Variants in RSPH1 observed in about 807,000 individuals in gnomAD.
The protein encoded by RSPH1 is radial spoke head component 1.
In RSPH1, 32 loss-of-function variants were observed where a neutral mutation model predicts 44.2. The observed-to-expected ratio is 0.72, with a 90% confidence interval of 0.55 to 0.97. The LOEUF is 0.97. RSPH1 is among the 50% of genes least tolerant of loss of function. RSPH1 has a pLI of 0.00. For synonymous variants in RSPH1, 134 were observed against 147.3 expected, an observed-to-expected ratio of 0.91 and a Z score of 0.65; for missense variants, 391 against 398.7, an observed-to-expected ratio of 0.98 and a Z score of 0.16.
chr21:42,477,314 C>T lies in RSPH1; in HGVS notation c.704G>A (p.Gly235Asp). 5 of 1,614,054 alleles carry T rather than the reference C, an allele frequency of 3.1e-6. No individual in the cohort carries two copies. The highest frequency in any genetic ancestry group is 4.2e-6 in the Non-Finnish European group (5 of 1,179,966). Reference protein sequence around the residue: ...PKKPTSTDGPGQDAPGAESAG... With the variant: ...PKKPTSTDGPDQDAPGAESAG... ...ACTCTCAGCTCCTGGAGCGTCTTGGCCAGGTCCATCCGTAGAGGTCGGCTT... is the reference window on the plus strand; with the variant it reads ...ACTCTCAGCTCCTGGAGCGTCTTGGTCAGGTCCATCCGTAGAGGTCGGCTT... The change falls in exon 7 of 9, where the codon GGC becomes GAC. Residue 235 changes from glycine (G) to aspartate (D), a missense_variant. Gly to Asp is a moderately conservative substitution (Grantham distance 94, BLOSUM62 -1). Transcript: ENST00000291536.
intron 3 of RSPH1, among the ~76,000 whole-genome samples, chr21:42,491,627 T>C (rs916805025): frequency 6.6e-4 from 101 of 152,202 alleles, no homozygotes; most frequent in African/African-American, 1.9e-3. Flanking sequence ...CCTTCTGGGA[T>C]TTATGAAACA....
chr21:42,472,956 G>GA (rs1249882542), intron 8 of RSPH1, 86 bp from the exon 9 acceptor site: 6 of 955,366 alleles, frequency 6.3e-6, no homozygotes, highest in South Asian at 3.1e-5. Context: ...ATCTTTTGCC[G>GA]AAAAAAATTA....
intron 1 of RSPH1, 55 bp from the exon 2 acceptor site, chr21:42,493,134 G>C: frequency 7.0e-7 from 1 of 1,421,908 alleles, no homozygotes; most frequent in East Asian, 2.3e-5. Flanking sequence ...CGCTAACCAG[G>C]TGCTAAGCAT....
chr21:42,494,249 A>C (rs1235061432), intron 1 of RSPH1, among the ~76,000 whole-genome samples: 1 of 152,054 alleles, frequency 6.6e-6, no homozygotes, highest in Non-Finnish European at 1.5e-5. Flanking sequence ...AATATACATA[A>C]TAAAATTTAT....
In RSPH1 at chr21:42,485,729, C is replaced by T. The variant is rs753686273; in HGVS notation, c.441G>A (p.Glu147=). Residue 147 remains glutamate, a synonymous_variant, in exon 5 of 9, where the codon GAG becomes GAA. Transcript: ENST00000291536. Reference sequence around the variant, plus strand: ...TCAGGTGAATGAGCTCGGCCGTGCCCTCCTGCTGTCCGTTCACCCAGGTGC... The same window carrying T: ...TCAGGTGAATGAGCTCGGCCGTGCCTTCCTGCTGTCCGTTCACCCAGGTGC... The part of the protein sequence containing the change: ...YVGTWVNGQQ[E]GTAELIHLNH... 3.7e-6 allele frequency: 6 copies of T among 1,614,224 alleles called. No homozygotes were observed. The highest frequency in any genetic ancestry group is 1.1e-5 in the South Asian group (1 of 91,086).
chr21:42,479,614 A>G (rs1333444855), intron 6 of RSPH1, among the ~76,000 whole-genome samples: 2 of 152,180 alleles, frequency 1.3e-5, no homozygotes, highest in Non-Finnish European at 2.9e-5. Context: ...GGAACAGATG[A>G]GAGGTGTCCA....
At chr21:42,491,833 C>A (rs925066154) in intron 3 of RSPH1, among the ~76,000 whole-genome samples, 2 of 152,170 alleles carry the variant, frequency 1.3e-5, no homozygotes, top group African/African-American at 4.8e-5. Context: ...GATGCTGTCA[C>A]AAGTGGTACA....
intron 8 of RSPH1, 117 bp downstream of exon 8, chr21:42,475,781 T>C: frequency 1.3e-5 from 16 of 1,205,486 alleles, no homozygotes; most frequent in Non-Finnish European, 1.8e-5. Flanking sequence ...CCCCTAAGCC[T>C]TCCTCGAGTC....
At chr21:42,495,479 T>A (rs2054278536) in intron 1 of RSPH1, among the ~76,000 whole-genome samples, 2 of 152,178 alleles carry the variant, frequency 1.3e-5, no homozygotes, top group African/African-American at 4.8e-5. Context: ...GGAACTACTC[T>A]CTGGGTGATA....
At position 42,496,122 on chromosome 21, in the gene RSPH1, G is replaced by A; in HGVS notation, c.54+11C>T. ...CACCCTGGGAAGCCCTTTCTCACCA[G>A]GAGCTCTCACCCCAATATCATTCTC... On this transcript the variant is annotated intron_variant, in intron 1 of 8. Coordinates refer to ENST00000291536, the MANE Select transcript of RSPH1 (RefSeq NM_080860.4). 1 of 1,614,100 alleles carries A rather than the reference G, an allele frequency of 6.2e-7. No homozygotes were observed. The highest frequency in any genetic ancestry group is 2.2e-5 in the East Asian group (1 of 44,864).
chr21:42,479,207 A>G (rs1290820654), intron 6 of RSPH1, among the ~76,000 whole-genome samples: 2 of 152,244 alleles, frequency 1.3e-5, no homozygotes, highest in African/African-American at 2.4e-5. Flanking sequence ...TAGAAGGGAT[A>G]CATTCCCCTT....
intron 1 of RSPH1, among the ~76,000 whole-genome samples, chr21:42,495,344 C>T (rs751775795): frequency 5.3e-5 from 8 of 152,240 alleles, no homozygotes; most frequent in Non-Finnish European, 1.0e-4. Flanking sequence ...GACAGCACCA[C>T]TGCAGAGTCG....
In RSPH1 at chr21:42,486,407, T is replaced by A. The variant is rs751684001; in HGVS notation, c.329A>T (p.Asn110Ile). ...AAACCACTCTCCAGTGTAGGTGTCATTATTGATGTAGTAGTATACGCCATG... is the reference window on the plus strand; with the variant it reads ...AAACCACTCTCCAGTGTAGGTGTCAATATTGATGTAGTAGTATACGCCATG... ...HGHGVYYYIN[N>I]DTYTGEWFAH... The change falls in exon 4 of 9, where the codon AAT (asparagine) becomes ATT (isoleucine). Residue 110 changes from asparagine to isoleucine, a missense_variant. Physicochemically the swap from Asn to Ile is moderately radical, Grantham distance 149. Coordinates refer to ENST00000291536, the MANE Select transcript of RSPH1 (RefSeq NM_080860.4). The A allele has an allele frequency of 1.2e-6, 2 of 1,613,964 alleles. No individual in the cohort carries two copies. The highest frequency in any genetic ancestry group is 3.3e-5 in the Admixed American group (2 of 60,006).
chr21:42,480,241 G>A (rs1047059195), intron 6 of RSPH1, among the ~76,000 whole-genome samples: 2 of 152,240 alleles, frequency 1.3e-5, no homozygotes, highest in Non-Finnish European at 2.9e-5. Flanking sequence ...CAGCAACGGA[G>A]CACGGACAGT....
At chr21:42,489,240 GT>G (rs888262611) in intron 3 of RSPH1, among the ~76,000 whole-genome samples, 2 of 151,912 alleles carry the variant, frequency 1.3e-5, no homozygotes, top group Non-Finnish European at 2.9e-5. Flanking sequence ...TTGTTGATTG[GT>G]TAGCTGTTTG....
rs1423543256 is a variant in RSPH1, at chr21:42,476,149, C to T, written c.728-102G>A. ...CCTGGGCTGCCGTGCCCCCACCCTCCCCCTCCCACTGGCAGCACCTCATGT... is the reference window on the plus strand; with the variant it reads ...CCTGGGCTGCCGTGCCCCCACCCTCTCCCTCCCACTGGCAGCACCTCATGT... On this transcript the variant is annotated intron_variant, in intron 7 of 8. Coordinates refer to ENST00000291536, the MANE Select transcript of RSPH1 (RefSeq NM_080860.4). The T allele has an allele frequency of 3.4e-6, 4 of 1,168,900 alleles. No homozygotes were observed. The East Asian group carries it at 7.5e-5, about 22-fold the overall frequency. 72.4% of individuals were successfully genotyped at this position (1,168,900 alleles called of 1,614,324 possible).
rs750717245 is a variant in RSPH1 at position 42,472,804 on chromosome 21, C to A, written c.*14G>T. On this transcript the variant is annotated 3_prime_UTR_variant, in exon 9 of 9. Coordinates refer to ENST00000291536, the MANE Select transcript of RSPH1 (RefSeq NM_080860.4). The stretch of plus-strand genomic sequence containing the variant: ...GCATTCTTATGATACGATCTCCTCT[C>A]GGCTCACTTCATCTTAGTCCTGGAG... 6 of 1,598,102 alleles carry A rather than the reference C, an allele frequency of 3.8e-6. No homozygotes were observed. The highest frequency in any genetic ancestry group is 1.1e-5 in the South Asian group (1 of 90,546).
intron 6 of RSPH1, among the ~76,000 whole-genome samples, chr21:42,482,297 T>C (rs955983541): frequency 6.6e-6 from 1 of 152,208 alleles, no homozygotes; most frequent in Non-Finnish European, 1.5e-5. Context: ...TTGGCCAGTC[T>C]GGTCTCAAAC....
At chr21:42,491,017 C>G (rs1267068548) in intron 3 of RSPH1, among the ~76,000 whole-genome samples, 3 of 152,210 alleles carry the variant, frequency 2.0e-5, no homozygotes. Flanking sequence ...GGGAACCTTC[C>G]AGGCCTTGCC....
Sources: gnomAD v4.1 joint callset for allele counts (sites outside exome capture counted in the v4.1 genomes callset) on GRCh38, gnomAD v4.1.1 for gene constraint, MANE v1.5 for transcripts, NCBI Gene and HGNC (gene_info 2026-07-23, HGNC 2026-07-21) for gene names.